Variants in PPP6R3 observed in about 807,000 individuals in gnomAD.
The protein encoded by PPP6R3 is protein phosphatase 6 regulatory subunit 3, also known as serine/threonine-protein phosphatase 6 regulatory subunit 3.
A neutral mutation model predicts 110.7 loss-of-function variants in PPP6R3; 38 were observed. The ratio of observed to expected loss-of-function variants is 0.34; its 90% CI spans 0.26 to 0.45. PPP6R3 has a LOEUF of 0.45. Ranked by LOEUF, PPP6R3 falls within the 20% of genes least tolerant of loss-of-function variation. The pLI, the probability that PPP6R3 is intolerant of heterozygous loss-of-function variation, is 1.00. For missense variants in PPP6R3, 870 were observed against 1,062.4 expected (o/e 0.82, Z 2.52); for synonymous variants, 369 against 373.5 (o/e 0.99, Z 0.14).
rs748736584 is a variant in PPP6R3, at chr11:68,544,962, C to G, written c.352C>G (p.Pro118Ala). 10 of 1,608,106 alleles carry G rather than the reference C, an allele frequency of 6.2e-6. No individual in the cohort carries two copies. Among genetic ancestry groups the G allele is most frequent in the Non-Finnish European group, 8.5e-6 (10 of 1,174,694 alleles). Reference sequence around the variant, plus strand: ...CCTCCTAAACGATTCCCCTTTGAATCCACTACTTGCCAGTTTCTTCAGCAA... The same window carrying G: ...CCTCCTAAACGATTCCCCTTTGAATGCACTACTTGCCAGTTTCTTCAGCAA... ...SFLLNDSPLN[P>A]LLASFFSKVL... The change falls in exon 4 of 24, where the codon CCA (proline) becomes GCA (alanine). Residue 118 changes from proline (P) to alanine (A), a missense_variant. Pro to Ala is a conservative substitution (Grantham distance 27). Coordinates refer to ENST00000393800, the MANE Select transcript of PPP6R3 (RefSeq NM_001164161.2).
In PPP6R3 at chr11:68,511,986, T is replaced by C. The variant is rs1335374047; in HGVS notation, c.-157-7515T>C. Reference sequence around the variant, plus strand: ...CCCCATTGGATCTCCTATTCCTGTGTTCTGTGTTACCTTGTTGCTCTCCTT... The same window carrying C: ...CCCCATTGGATCTCCTATTCCTGTGCTCTGTGTTACCTTGTTGCTCTCCTT... On this transcript the variant is annotated intron_variant, in intron 1 of 23. Transcript: ENST00000393800. Among the ~76,000 whole-genome samples the C allele has an allele frequency of 2.6e-5, 4 of 152,204 alleles. No homozygotes were observed. In the South Asian group the frequency reaches 8.3e-4, roughly 32 times the overall value.
chr11:68,461,911 G>A (rs2153211617), intron 1 of PPP6R3, among the ~76,000 whole-genome samples: 1 of 152,298 alleles, frequency 6.6e-6, no homozygotes, highest in African/African-American at 2.4e-5. Flanking sequence ...ACCGAACTGT[G>A]CCTCAAGTAG....
chr11:68,563,688 G>A (rs1037290624), intron 8 of PPP6R3, among the ~76,000 whole-genome samples: 7 of 152,188 alleles, frequency 4.6e-5, no homozygotes, highest in African/African-American at 1.7e-4. Context: ...AAGTGATACA[G>A]CCACTTCATA....
intron 10 of PPP6R3, among the ~76,000 whole-genome samples, chr11:68,569,181 T>A (rs191128187): frequency 4.0e-4 from 61 of 152,266 alleles, no homozygotes; most frequent in African/African-American, 1.4e-3. Flanking sequence ...CTTTGTATGT[T>A]TGTTGTTGGT....
chr11:68,467,554 T>C (rs549561101), intron 1 of PPP6R3, among the ~76,000 whole-genome samples: 1 of 152,224 alleles, frequency 6.6e-6, no homozygotes, highest in South Asian at 2.1e-4. Flanking sequence ...GAGACACACT[T>C]TGAGAAAAAA....
At chr11:68,556,739 C>T (rs2099401083) in intron 7 of PPP6R3, among the ~76,000 whole-genome samples, 1 of 152,128 alleles carries the variant, frequency 6.6e-6, no homozygotes, top group Non-Finnish European at 1.5e-5. Flanking sequence ...AATGTGAAGG[C>T]ATTCCTTTTA....
intron 13 of PPP6R3, among the ~76,000 whole-genome samples, chr11:68,575,118 A>G (rs2099525551): frequency 6.6e-6 from 1 of 152,202 alleles, no homozygotes; most frequent in African/African-American, 2.4e-5. Flanking sequence ...TTCACCACAC[A>G]GTTTATCTTT....
At chr11:68,487,867 A>G (rs1414550439) in intron 1 of PPP6R3, among the ~76,000 whole-genome samples, 3 of 152,316 alleles carry the variant, frequency 2.0e-5, no homozygotes, top group South Asian at 2.1e-4. Flanking sequence ...ATAGATGTCA[A>G]TTATACCCAG....
chr11:68,599,899 G>C (rs1304678758), intron 19 of PPP6R3, among the ~76,000 whole-genome samples: 2 of 152,102 alleles, frequency 1.3e-5, no homozygotes, highest in Admixed American at 6.5e-5. Context: ...CAAGGCGGGC[G>C]GTTCACGAGG....
In PPP6R3 at chr11:68,583,094, GA is replaced by G; in HGVS notation, c.1600del (p.Thr534ArgfsTer21). 1 of 1,548,162 alleles carries G rather than the reference GA, an allele frequency of 6.5e-7. No individual in the cohort carries two copies. ...CAGTGATGATGAAATTGACTTTAAA[GA>G]AACGGGTTTCTCACAGGATTCTTCT... Reference protein sequence around the residue: ...SSSDDEIDFKETGFSQDSSLQ... With the variant: ...SSSDDEIDFKXTGFSQDSSLQ... On this transcript the variant is annotated frameshift_variant, in exon 15 of 24. Coordinates refer to ENST00000393800, the MANE Select transcript of PPP6R3 (RefSeq NM_001164161.2). LOFTEE classifies it high-confidence loss of function.
intron 1 of PPP6R3, among the ~76,000 whole-genome samples, chr11:68,477,741 A>AAAAAATATATATATATATATATATAT: frequency 5.2e-5 from 3 of 57,908 alleles, no homozygotes; most frequent in Admixed American, 2.0e-4. Context: ...AAAAAAAAAA[A>AAAAAATATATATATATATATATATAT]ATATATATAT....
intron 15 of PPP6R3, chr11:68,587,660 G>C: frequency 4.0e-6 from 2 of 505,958 alleles, no homozygotes; most frequent in Non-Finnish European, 3.6e-6. Context: ...TCTCTCTAAA[G>C]ATAATTCACA....
At position 68,561,135 on chromosome 11, in the gene PPP6R3, C is replaced by G. The variant is rs1031501868; in HGVS notation, c.845+2456C>G. On this transcript the variant is annotated intron_variant, in intron 8 of 23. Coordinates refer to ENST00000393800, the MANE Select transcript of PPP6R3 (RefSeq NM_001164161.2). ...ATCTCCTGACCTTGTGATCCACCCC[C>G]CTCGGCCTCCCAAAGTGCTGGGATT... Among the ~76,000 whole-genome samples, 151 of 152,284 alleles carry G rather than the reference C, an allele frequency of 9.9e-4. 2 individuals are homozygous for G. The highest frequency in any genetic ancestry group is 9.7e-3 in the Admixed American group (148 of 15,292).
intron 2 of PPP6R3, among the ~76,000 whole-genome samples, chr11:68,521,530 T>C (rs895774669): frequency 6.6e-6 from 1 of 152,148 alleles, no homozygotes; most frequent in African/African-American, 2.4e-5. Flanking sequence ...TGTCCTACAC[T>C]AGAGTGAACC....
At chr11:68,466,547 T>C (rs1374179720) in intron 1 of PPP6R3, among the ~76,000 whole-genome samples, 1 of 151,018 alleles carries the variant, frequency 6.6e-6, no homozygotes, top group Non-Finnish European at 1.5e-5. Context: ...CACGCCATTC[T>C]CCTGCCTCAG....
intron 22 of PPP6R3, among the ~76,000 whole-genome samples, chr11:68,605,340 A>G (rs893050802): frequency 1.3e-5 from 2 of 152,182 alleles, no homozygotes; most frequent in African/African-American, 2.4e-5. Flanking sequence ...AAACTTAGTA[A>G]AGCTACTGAG....
chr11:68,465,125 G>A (rs1241391503), intron 1 of PPP6R3, among the ~76,000 whole-genome samples: 2 of 151,968 alleles, frequency 1.3e-5, no homozygotes, highest in South Asian at 2.1e-4. Context: ...CAAGTGATCC[G>A]CCCGCCTCGG....
chr11:68,467,249 A>G (rs2098754991), intron 1 of PPP6R3, among the ~76,000 whole-genome samples: 1 of 152,364 alleles, frequency 6.6e-6, no homozygotes, highest in East Asian at 1.9e-4. Context: ...CTGATTTTGT[A>G]CTTCACAGTA....
At chr11:68,527,933 A>G (rs1441213444) in intron 2 of PPP6R3, among the ~76,000 whole-genome samples, 2 of 152,170 alleles carry the variant, frequency 1.3e-5, no homozygotes, top group Admixed American at 6.5e-5. Context: ...AGCTCCATTC[A>G]TCACCTCCTA....
Sources: gnomAD v4.1 joint callset for allele counts (sites outside exome capture counted in the v4.1 genomes callset) on GRCh38, gnomAD v4.1.1 for gene constraint, MANE v1.5 for transcripts, NCBI Gene and HGNC (gene_info 2026-07-23, HGNC 2026-07-21) for gene names.